CA10: variants seen among roughly 807,000 people sequenced by gnomAD.
The protein encoded by CA10 is carbonic anhydrase-related protein 10.
In CA10, 14 loss-of-function variants were observed where a neutral mutation model predicts 44.2. The ratio of observed to expected loss-of-function variants is 0.32; its 90% CI spans 0.21 to 0.50. CA10 has a LOEUF of 0.50. Among genes scored for constraint, CA10 ranks in the 20% least tolerant of loss-of-function variants. The probability of loss-of-function intolerance (pLI) is 0.99; values close to 1 mark genes in which losing one functional copy is unlikely to be tolerated. For missense variants in CA10, 350 were observed against 409.7 expected (o/e 0.85, Z 1.26); for synonymous variants, 159 against 141.6 (o/e 1.12, Z -0.87).
chr17:52,030,229 C>G (rs2144171368), intron 2 of CA10, among the ~76,000 whole-genome samples: 1 of 152,336 alleles, frequency 6.6e-6, no homozygotes, highest in South Asian at 2.1e-4. Context: ...CCTTTAAAAA[C>G]AGATTTAAGA....
At chr17:51,883,510 C>T (rs923204068) in intron 3 of CA10, among the ~76,000 whole-genome samples, 1 of 152,150 alleles carries the variant, frequency 6.6e-6, no homozygotes, top group Non-Finnish European at 1.5e-5. Flanking sequence ...TTGTTAAGGC[C>T]ACTAATGAAT....
At chr17:51,913,941 A>G in intron 3 of CA10, among the ~76,000 whole-genome samples, 1 of 152,250 alleles carries the variant, frequency 6.6e-6, no homozygotes, top group South Asian at 2.1e-4. Context: ...CAGAGAACTG[A>G]GGGCAGCCTG....
chr17:51,960,488 A>G (rs1255187664), intron 2 of CA10, among the ~76,000 whole-genome samples: 1 of 152,222 alleles, frequency 6.6e-6, no homozygotes, highest in Admixed American at 6.5e-5. Flanking sequence ...AAGAAAAAAT[A>G]TTGAAAACAA....
chr17:51,640,389 T>G (rs1913031309), intron 6 of CA10, among the ~76,000 whole-genome samples: 1 of 152,130 alleles, frequency 6.6e-6, no homozygotes, highest in Admixed American at 6.5e-5. Context: ...TCTCACACCC[T>G]AAGACATCAG....
intron 4 of CA10, among the ~76,000 whole-genome samples, chr17:51,711,668 A>G (rs943823905): frequency 1.3e-5 from 2 of 152,354 alleles, no homozygotes; most frequent in Admixed American, 6.5e-5. Flanking sequence ...GCTGAAACAA[A>G]TATCTAAGCA....
At chr17:51,641,319 A>C (rs1285969509) in intron 6 of CA10, among the ~76,000 whole-genome samples, 1 of 152,182 alleles carries the variant, frequency 6.6e-6, no homozygotes, top group Non-Finnish European at 1.5e-5. Context: ...CCTTCATGGA[A>C]AAGAATGTAA....
chr17:51,772,016 T>C (rs908096069), intron 3 of CA10, among the ~76,000 whole-genome samples: 19 of 152,184 alleles, frequency 1.2e-4, no homozygotes, highest in Non-Finnish European at 2.1e-4. Context: ...TTACCATCCC[T>C]GTGATGCCTC....
chr17:51,747,595 T>G (rs1216503026), intron 4 of CA10, 38 bp downstream of exon 4: 2 of 1,527,602 alleles, frequency 1.3e-6, no homozygotes, highest in South Asian at 2.5e-5. Context: ...ATCTTATAAG[T>G]TGACATTTAA....
At chr17:51,634,083 T>C (rs1597951612) in intron 7 of CA10, among the ~76,000 whole-genome samples, 1 of 152,328 alleles carries the variant, frequency 6.6e-6, no homozygotes, top group African/African-American at 2.4e-5. Context: ...GTTTCTTTTC[T>C]GTGAGACTAT....
chr17:52,053,205 ATT>A (rs1443070279), intron 2 of CA10, among the ~76,000 whole-genome samples: 1 of 152,116 alleles, frequency 6.6e-6, no homozygotes, highest in Non-Finnish European at 1.5e-5. Flanking sequence ...TGAAATCAGC[ATT>A]GTCTCCATTT....
At chr17:51,932,916 A>C (rs1982722366) in intron 2 of CA10, among the ~76,000 whole-genome samples, 1 of 152,144 alleles carries the variant, frequency 6.6e-6, no homozygotes, top group East Asian at 1.9e-4. Context: ...TTTTTTAAAA[A>C]AAACACTGAC....
At chr17:51,754,400 G>GATATATATATATATATATATAT (rs56145404) in intron 3 of CA10, among the ~76,000 whole-genome samples, 1 of 73,074 alleles carries the variant, frequency 1.4e-5, no homozygotes, top group Non-Finnish European at 2.7e-5. Context: ...GTGTGTGTGT[G>GATATATATATATATATATATAT]ATATATATAT....
intron 4 of CA10, among the ~76,000 whole-genome samples, chr17:51,721,726 C>T (rs550420289): frequency 2.2e-4 from 34 of 152,154 alleles, no homozygotes; most frequent in Admixed American, 5.9e-4. Flanking sequence ...AAAGTCTTCG[C>T]GAGATTTGAT....
At chr17:51,881,227 G>A (rs1167382815) in intron 3 of CA10, among the ~76,000 whole-genome samples, 2 of 118,636 alleles carry the variant, frequency 1.7e-5, no homozygotes, top group African/African-American at 7.3e-5. Flanking sequence ...GCGACAGAGC[G>A]AGACTCCGTC....
chr17:51,965,816 T>A (rs982679882), intron 2 of CA10, among the ~76,000 whole-genome samples: 3 of 151,900 alleles, frequency 2.0e-5, no homozygotes, highest in Non-Finnish European at 4.4e-5. Flanking sequence ...AAAACAAGGA[T>A]GCCCATTCTC....
chr17:51,644,638 C>G (rs932418468), intron 6 of CA10, among the ~76,000 whole-genome samples: 1 of 152,040 alleles, frequency 6.6e-6, no homozygotes, highest in African/African-American at 2.4e-5. Flanking sequence ...GATTTCCTTC[C>G]CACCCACGGA....
chr17:51,837,076 G>GGCA (rs1171449789), intron 3 of CA10, among the ~76,000 whole-genome samples: 1 of 99,896 alleles, frequency 1.0e-5, no homozygotes, highest in Non-Finnish European at 2.1e-5. Context: ...TTTGAGTTCA[G>GGCA]ACAACACACA....
intron 3 of CA10, among the ~76,000 whole-genome samples, chr17:51,775,038 G>A (rs956380491): frequency 5.9e-5 from 9 of 152,038 alleles, no homozygotes; most frequent in African/African-American, 2.2e-4. Context: ...CATACCTCCT[G>A]ACTCATGACA....
intron 2 of CA10, among the ~76,000 whole-genome samples, chr17:51,938,751 T>C (rs935093029): frequency 6.6e-6 from 1 of 152,066 alleles, no homozygotes; most frequent in Non-Finnish European, 1.5e-5. Context: ...GAATTCTCTT[T>C]TGCTGATCAC....
Sources: gnomAD v4.1 joint callset for allele counts (sites outside exome capture counted in the v4.1 genomes callset) on GRCh38, gnomAD v4.1.1 for gene constraint, MANE v1.5 for transcripts, NCBI Gene and HGNC (gene_info 2026-07-23, HGNC 2026-07-21) for gene names.